Variants in NRG3 observed in about 807,000 individuals in gnomAD.
NRG3 encodes the protein neuregulin 3, also known as pro-neuregulin-3, membrane-bound isoform.
A neutral mutation model predicts 66.9 loss-of-function variants in NRG3; 31 were observed. That is an observed-to-expected ratio of 0.46 (90% CI 0.35 to 0.63). The LOEUF (loss-of-function observed/expected upper bound fraction) is 0.63. Ranked by LOEUF, NRG3 falls within the 20% of genes least tolerant of loss-of-function variation. The pLI is 0.00. For synonymous variants in NRG3, 393 were observed against 359.4 expected (o/e 1.09, Z -1.06); for missense variants, 910 against 878.9 (o/e 1.04, Z -0.45).
At position 82,790,590 on chromosome 10, in the gene NRG3, T is replaced by G. The variant is rs373969222; in HGVS notation, c.1027+51940T>G. On this transcript the variant is annotated intron_variant, in intron 3 of 8. Coordinates refer to ENST00000372141, the MANE Select transcript of NRG3 (RefSeq NM_001010848.4). ...TATCTTACTTGGAGGTCATTGAGCC[T>G]CTTGGATGTATGAATTAATATTTGT... is the stretch of plus-strand genomic sequence containing the variant. Among the ~76,000 whole-genome samples the G allele has an allele frequency of 1.5e-4, 23 of 152,222 alleles. 1 individual carries two copies. The highest frequency in any genetic ancestry group is 9.7e-4 in the East Asian group (5 of 5,180).
At chr10:81,947,830 C>A (rs886739526) in intron 1 of NRG3, among the ~76,000 whole-genome samples, 2 of 152,000 alleles carry the variant, frequency 1.3e-5, no homozygotes, top group African/African-American at 4.8e-5. Context: ...CCAAAGCTAA[C>A]CCCCTCAGTG....
chr10:82,356,430 G>T (rs75229215), intron 1 of NRG3, among the ~76,000 whole-genome samples: 5,675 of 152,182 alleles, frequency 0.037, 168 homozygotes, highest in African/African-American at 0.085. Context: ...AGTCAACTGT[G>T]CACCGTTTCA....
chr10:82,525,788 T>C (rs1846637871), intron 2 of NRG3, among the ~76,000 whole-genome samples: 1 of 151,948 alleles, frequency 6.6e-6, no homozygotes, highest in Non-Finnish European at 1.5e-5. Flanking sequence ...AAAACAGCCA[T>C]GATTACTACT....
chr10:81,981,601 G>T (rs1001867039), intron 1 of NRG3, among the ~76,000 whole-genome samples: 2 of 152,128 alleles, frequency 1.3e-5, no homozygotes, highest in South Asian at 4.1e-4. Flanking sequence ...AGCTAAGGAG[G>T]TGCCCCTCAT....
chr10:82,578,504 C>T (rs2622810), intron 2 of NRG3, among the ~76,000 whole-genome samples: 13,254 of 151,046 alleles, frequency 0.088, 639 homozygotes, highest in East Asian at 0.15. Flanking sequence ...CAGAATTGCC[C>T]CTTGATCTAT....
intron 1 of NRG3, among the ~76,000 whole-genome samples, chr10:81,960,553 G>T (rs879900583): frequency 1.4e-4 from 21 of 151,808 alleles, no homozygotes; most frequent in Non-Finnish European, 2.8e-4. Context: ...TCATATAGCA[G>T]CATAGTAGCA....
At chr10:82,461,565 A>G (rs2091516818) in intron 2 of NRG3, among the ~76,000 whole-genome samples, 1 of 152,222 alleles carries the variant, frequency 6.6e-6, no homozygotes, top group Non-Finnish European at 1.5e-5. Context: ...AGATTTATCC[A>G]TTTGAAATTG....
chr10:82,034,947 AT>A (rs1240353838), intron 1 of NRG3, among the ~76,000 whole-genome samples: 1 of 152,088 alleles, frequency 6.6e-6, no homozygotes, highest in East Asian at 1.9e-4. Flanking sequence ...GTGTTGCCTC[AT>A]TTTGACCTGT....
intron 1 of NRG3, among the ~76,000 whole-genome samples, chr10:82,157,672 A>G (rs189812375): frequency 7.9e-5 from 12 of 151,672 alleles, no homozygotes; most frequent in Admixed American, 3.3e-4. Context: ...GAGAATCCAA[A>G]CAGAAGGGAG....
At chr10:82,580,901 TTGTGTG>T (rs56906298) in intron 2 of NRG3, among the ~76,000 whole-genome samples, 3,362 of 147,016 alleles carry the variant, frequency 0.023, 58 homozygotes, top group Admixed American at 0.059. Context: ...GTTTGTAAGT[TTGTGTG>T]TGTGTGTGTG....
At position 82,979,080 on chromosome 10, in the gene NRG3, G is replaced by A; in HGVS notation, c.1543G>A (p.Glu515Lys). 6.2e-7 allele frequency: 1 copy of A among 1,614,098 alleles called. No individual in the cohort carries two copies. Among genetic ancestry groups the A allele is most frequent in the Non-Finnish European group, 8.5e-7 (1 of 1,179,978 alleles). ...IVGPAYQQLE[E>K]SRIPDQDTIP... ...GGGACCAGCATATCAGCAACTCGAA[G>A]AATCAAGGATCCCAGACCAGGATAC... The change falls in exon 8 of 9, where the codon GAA becomes AAA. Residue 515 changes from glutamate (E) to lysine (K), a missense_variant. By Grantham distance (56) the Glu-to-Lys change is moderately conservative. Coordinates refer to ENST00000372141, the MANE Select transcript of NRG3 (RefSeq NM_001010848.4).
chr10:82,677,921 T>G (rs979308336), intron 2 of NRG3, among the ~76,000 whole-genome samples: 23 of 152,210 alleles, frequency 1.5e-4, no homozygotes, highest in African/African-American at 5.5e-4. Flanking sequence ...TGGAGCGGGC[T>G]GCCCACATGC....
At chr10:81,900,335 A>G (rs895636200) in intron 1 of NRG3, among the ~76,000 whole-genome samples, 1 of 151,260 alleles carries the variant, frequency 6.6e-6, no homozygotes, top group African/African-American at 2.5e-5. Context: ...CACACTTCTT[A>G]TAAGTGCCTA....
chr10:81,984,758 T>C (rs1246681577), intron 1 of NRG3, among the ~76,000 whole-genome samples: 11 of 152,184 alleles, frequency 7.2e-5, no homozygotes, highest in Non-Finnish European at 1.5e-4. Context: ...CAGATAGATA[T>C]AGAGATAGAT....
chr10:81,914,177 T>C (rs1473698612), intron 1 of NRG3, among the ~76,000 whole-genome samples: 3 of 152,230 alleles, frequency 2.0e-5, no homozygotes, highest in Non-Finnish European at 4.4e-5. Flanking sequence ...TTTATATTTT[T>C]ACAATGAACA....
Position 82,390,611 on chromosome 10 carries a change from G to T in NRG3, c.953+31743G>T, listed in dbSNP as rs2086295525. On this transcript the variant is annotated intron_variant, in intron 2 of 8. Transcript: ENST00000372141. ...TTCAAAAATGTGTAGTTTGAATAAG[G>T]TGTATGAACCACCTAATTGAAGAAA... 2.6e-5 allele frequency among the ~76,000 whole-genome samples: 4 copies of T among 152,094 alleles called. No individual in the cohort carries two copies. The South Asian group carries it at 8.3e-4, about 32-fold the overall frequency.
At chr10:82,733,739 C>G (rs2058030123) in intron 2 of NRG3, among the ~76,000 whole-genome samples, 1 of 152,090 alleles carries the variant, frequency 6.6e-6, no homozygotes, top group Non-Finnish European at 1.5e-5. Flanking sequence ...TTTTGTTTTC[C>G]TAACAAGAGG....
intron 2 of NRG3, among the ~76,000 whole-genome samples, chr10:82,549,269 G>A (rs895162001): frequency 5.3e-5 from 8 of 152,188 alleles, no homozygotes; most frequent in African/African-American, 1.9e-4. Flanking sequence ...GGAAAAAAAT[G>A]AGTTTAAGAG....
chr10:82,193,013 G>A (rs2074246556), intron 1 of NRG3, among the ~76,000 whole-genome samples: 1 of 151,774 alleles, frequency 6.6e-6, no homozygotes, highest in African/African-American at 2.4e-5. Context: ...GAGGTGTGCT[G>A]GAAGAGGTAG....
Sources: gnomAD v4.1 joint callset for allele counts (sites outside exome capture counted in the v4.1 genomes callset) on GRCh38, gnomAD v4.1.1 for gene constraint, MANE v1.5 for transcripts, NCBI Gene and HGNC (gene_info 2026-07-23, HGNC 2026-07-21) for gene names.